The following SCN1A variants were observed in gnomAD, a reference collection of about 807,000 sequenced individuals.
SCN1A encodes sodium voltage-gated channel alpha subunit 1.
SCN1A carries 13 observed loss-of-function variants against 193.7 expected under a neutral mutation model. The observed-to-expected ratio is 0.07, with a 90% CI of 0.04 to 0.11. The LOEUF (loss-of-function observed/expected upper bound fraction) is 0.11, where lower values mean the gene tolerates loss of function less well. Ranked by LOEUF, SCN1A falls within the 10% of genes least tolerant of loss-of-function variation. The pLI is 1.00. For missense variants in SCN1A, 1,432 were observed against 2,451.1 expected, an observed-to-expected ratio of 0.58 and a Z score of 8.78; for synonymous variants, 781 against 843.6, an observed-to-expected ratio of 0.93 and a Z score of 1.29.
intron 24 of SCN1A, among the ~76,000 whole-genome samples, chr2:166,000,469 A>C (rs1044104629): frequency 1.3e-5 from 2 of 151,736 alleles, no homozygotes; most frequent in African/African-American, 2.4e-5. Flanking sequence ...ACTCAGGCTA[A>C]CAACTTACAG....
downstream of SCN1A, chr2:165,985,627 G>A (rs1573924656): frequency 2.0e-5 from 3 of 152,074 alleles, no homozygotes; most frequent in African/African-American, 7.2e-5. Flanking sequence ...AATTGATATT[G>A]CAAATTATCC....
chr2:166,030,790 G>A lies in SCN1A; in HGVS notation c.3429+5258C>T, dbSNP rs1289732200. Among the ~76,000 whole-genome samples, 4 of 152,042 alleles carry A rather than the reference G, an allele frequency of 2.6e-5. No individual in the cohort carries two copies. The East Asian group carries it at 5.8e-4, about 22-fold the overall frequency. Reference sequence around the variant, plus strand: ...CAACCAAACCTCAAAAAATTATTGGGCAACTGTTATGCACCCAGCATTGTG... The same window carrying A: ...CAACCAAACCTCAAAAAATTATTGGACAACTGTTATGCACCCAGCATTGTG... On this transcript the variant is annotated intron_variant, in intron 19 of 28. Transcript: ENST00000674923.
intron 2 of SCN1A, among the ~76,000 whole-genome samples, chr2:166,118,061 A>G (rs533844201): frequency 6.6e-6 from 1 of 151,320 alleles, no homozygotes; most frequent in East Asian, 1.9e-4. Context: ...TTTTTTTTAT[A>G]TGTTACTGAA....
intron 23 of SCN1A, chr2:166,002,989 A>T (rs557659816): frequency 1.7e-3 from 537 of 312,220 alleles, no homozygotes; most frequent in African/African-American, 6.3e-3. Context: ...AAATGTTTTT[A>T]AAAAAAAGGG....
At chr2:166,005,672 C>G (rs1691558343) in intron 23 of SCN1A, among the ~76,000 whole-genome samples, 1 of 151,280 alleles carries the variant, frequency 6.6e-6, no homozygotes, top group African/African-American at 2.4e-5. Context: ...AAAAGATTGT[C>G]TTTTCCCAAG....
At chr2:166,061,637 C>G (rs1324943952) in intron 4 of SCN1A, among the ~76,000 whole-genome samples, 1 of 152,122 alleles carries the variant, frequency 6.6e-6, no homozygotes, top group Non-Finnish European at 1.5e-5. Context: ...GATCTGATCA[C>G]TATACATCAT....
Position 165,992,088 on chromosome 2 carries a change from C to A in SCN1A, c.5187G>T (p.Leu1729Phe), listed in dbSNP as rs747155595. The A allele has an allele frequency of 6.8e-6, 11 of 1,613,910 alleles. No individual in the cohort carries two copies. In the South Asian group the frequency reaches 1.2e-4, roughly 18 times the overall value. The change falls in exon 29 of 29, where the codon TTG (leucine) becomes TTT (phenylalanine). Residue 1729 changes from leucine (L) to phenylalanine (F), a missense_variant. Physicochemically the swap from Leu to Phe is conservative, Grantham distance 22 (BLOSUM62 0). This residue lies in a region of SCN1A where 85 missense variants were observed against 213.2 expected (regional missense o/e 0.40). Transcript: ENST00000674923. This position sits in a 1 kb window ranked among gnomAD's most constrained non-coding sequence, Gnocchi z 6.5. ...GCTTACTGTTGAGAATGGGTGCTAG[C>A]AATCCATCCCAGCCAGCAGAGGTTG... ...QITTSAGWDG[L>F]LAPILNSKPP...
At chr2:166,011,535 T>A (rs997915107) in intron 22 of SCN1A, among the ~76,000 whole-genome samples, 1 of 151,232 alleles carries the variant, frequency 6.6e-6, no homozygotes, top group African/African-American at 2.4e-5. Context: ...TTCCCTACAC[T>A]CTACATACCT....
rs377618565 is a variant in SCN1A at position 166,047,611 on chromosome 2, G to A, written c.1170+16C>T. ...TACTTTTACTTAAATGGAGAGTGTG[G>A]CTCTTTAGTTCTCACCAGTTGATAA... On this transcript the variant is annotated intron_variant, in intron 11 of 28. Transcript: ENST00000674923. 88 of 1,612,730 alleles carry A rather than the reference G, an allele frequency of 5.5e-5. No homozygotes were observed. Among genetic ancestry groups the A allele is most frequent in the Non-Finnish European group, 7.1e-5 (84 of 1,179,112 alleles).
intron 1 of SCN1A, among the ~76,000 whole-genome samples, chr2:166,141,908 C>A (rs1692104468): frequency 6.8e-6 from 1 of 147,402 alleles, no homozygotes; most frequent in Admixed American, 6.9e-5. Flanking sequence ...GGTGTGGCAC[C>A]ATTTTATATT....
At position 165,989,157 on chromosome 2, in the gene SCN1A, CAATAA is replaced by C. The variant is rs934272792; in HGVS notation, c.*2083_*2087del. ...TGTTAACAAAAAGTGACTGGGCAAA[CAATAA>C]AATAAAAAATGTAATCTTTATTAGT... is the stretch of plus-strand genomic sequence containing the variant. On this transcript the variant is annotated 3_prime_UTR_variant, in exon 29 of 29. Coordinates refer to ENST00000674923, the MANE Select transcript of SCN1A (RefSeq NM_001165963.4). The C allele has an allele frequency of 1.3e-5, 2 of 151,910 alleles. No individual in the cohort carries two copies. Among genetic ancestry groups the C allele is most frequent in the African/African-American group, 4.9e-5 (2 of 41,200 alleles). 9.4% of individuals were successfully genotyped at this position (151,910 alleles called of 1,614,324 possible).
intron 2 of SCN1A, among the ~76,000 whole-genome samples, chr2:166,102,439 TGAGCCGA>T (rs1354252725): frequency 1.4e-5 from 2 of 139,548 alleles, no homozygotes; most frequent in Non-Finnish European, 3.0e-5. Flanking sequence ...GAGCTTGGAG[TGAGCCGA>T]GATCGCTCCA....
At chr2:166,021,755 C>T (rs1694100134) in intron 19 of SCN1A, among the ~76,000 whole-genome samples, 1 of 152,052 alleles carries the variant, frequency 6.6e-6, no homozygotes, top group Non-Finnish European at 1.5e-5. Flanking sequence ...AACAATTATA[C>T]CAACATTCAG....
In SCN1A at chr2:166,036,571, G is replaced by A. The variant is rs7601520; in HGVS notation, c.2947-41C>T. The A allele has an allele frequency of 0.71, 1,122,603 of 1,591,596 alleles. 398,884 individuals are homozygous for A. Among genetic ancestry groups the A allele is most frequent in the East Asian group, 0.89 (39,613 of 44,288 alleles). On this transcript the variant is annotated intron_variant, in intron 18 of 28. Transcript: ENST00000674923. ...AACATGATTATAATTTTACACCAAT[G>A]TAGGGAAGAGCAGATTACAATCACT... is the stretch of plus-strand genomic sequence containing the variant.
intron 4 of SCN1A, among the ~76,000 whole-genome samples, chr2:166,072,841 T>TTC (rs796370752): frequency 0.011 from 1,421 of 125,038 alleles, 25 homozygotes; most frequent in African/African-American, 0.055. Context: ...TTCTTTCTTT[T>TTC]TTTTTTTTTT....
chr2:166,053,352 C>T (rs1698801297), intron 7 of SCN1A, among the ~76,000 whole-genome samples: 1 of 151,964 alleles, frequency 6.6e-6, no homozygotes, highest in South Asian at 2.1e-4. Flanking sequence ...GAAAGCAATG[C>T]AACCAACATC....
At chr2:166,120,159 ATT>A (rs71395206) in intron 2 of SCN1A, among the ~76,000 whole-genome samples, 1 of 148,216 alleles carries the variant, frequency 6.7e-6, no homozygotes, top group East Asian at 2.0e-4. Flanking sequence ...TTCTATTTAA[ATT>A]TTTTTTTTGT....
At chr2:166,031,371 C>T (rs923902918) in intron 19 of SCN1A, among the ~76,000 whole-genome samples, 37 of 152,182 alleles carry the variant, frequency 2.4e-4, no homozygotes, top group African/African-American at 6.7e-4. Flanking sequence ...CTGTGATTTA[C>T]GCCCCCGGAA....
chr2:166,009,014 T>C (rs1242686757), intron 23 of SCN1A, among the ~76,000 whole-genome samples: 2 of 151,102 alleles, frequency 1.3e-5, no homozygotes, highest in Non-Finnish European at 3.0e-5. Flanking sequence ...AATAACATTT[T>C]GTGTGACTCT....
Sources: allele counts gnomAD v4.1 joint callset (sites outside exome capture counted in the v4.1 genomes callset), GRCh38; gene constraint gnomAD v4.1.1; regional missense constraint gnomAD v4.1.1; non-coding constraint Gnocchi (gnomAD v3.1); transcripts MANE v1.5; gene names NCBI Gene and HGNC (gene_info 2026-07-23, HGNC 2026-07-21).